The following HOOK3 variants were observed in gnomAD, a reference collection of about 807,000 sequenced individuals.
HOOK3 encodes hook microtubule tethering protein 3.
HOOK3 carries 24 observed loss-of-function variants against 116.3 expected under a neutral mutation model. The observed-to-expected ratio is 0.21, with a 90% CI of 0.15 to 0.29. The LOEUF (loss-of-function observed/expected upper bound fraction) is 0.29, where lower values mean the gene tolerates loss of function less well. HOOK3 is among the 10% of genes least tolerant of loss of function. HOOK3 has a pLI of 1.00. For missense variants in HOOK3, 632 were observed against 830.2 expected (o/e 0.76, Z 2.93); for synonymous variants, 275 against 283.0 (o/e 0.97, Z 0.28).
At chr8:42,945,044 A>C (rs1563297965) in intron 5 of HOOK3, among the ~76,000 whole-genome samples, 2 of 152,242 alleles carry the variant, frequency 1.3e-5, no homozygotes, top group South Asian at 4.1e-4. Flanking sequence ...GTGTGCATCA[A>C]CCCATGAATT....
chr8:42,955,817 A>C (rs931891867), intron 6 of HOOK3, among the ~76,000 whole-genome samples: 1 of 152,202 alleles, frequency 6.6e-6, no homozygotes, highest in African/African-American at 2.4e-5. Context: ...CTAGATTTTT[A>C]TTGAGAGCTG....
At chr8:42,980,929 C>T (rs1482910315) in intron 13 of HOOK3, among the ~76,000 whole-genome samples, 1 of 152,068 alleles carries the variant, frequency 6.6e-6, no homozygotes, top group Non-Finnish European at 1.5e-5. Flanking sequence ...ATGCTCAACC[C>T]CTTCATCATG....
chr8:42,911,623 A>C (rs1807430747), intron 2 of HOOK3, among the ~76,000 whole-genome samples: 1 of 152,208 alleles, frequency 6.6e-6, no homozygotes, highest in South Asian at 2.1e-4. Flanking sequence ...GTAATTCAGA[A>C]GGAAGATAAT....
chr8:42,966,386 C>T, intron 9 of HOOK3, 87 bp from the exon 10 acceptor site: 1 of 1,390,268 alleles, frequency 7.2e-7, no homozygotes, highest in Non-Finnish European at 9.8e-7. Context: ...GCTTTATTCT[C>T]ATGCTTTATA....
chr8:42,986,138 T>G (rs1199082351), intron 14 of HOOK3, among the ~76,000 whole-genome samples: 1 of 152,254 alleles, frequency 6.6e-6, no homozygotes, highest in African/African-American at 2.4e-5. Flanking sequence ...TTAATGTAAG[T>G]TTTTGGCTTA....
At chr8:42,944,359 T>C (rs1808184527) in intron 5 of HOOK3, among the ~76,000 whole-genome samples, 1 of 152,018 alleles carries the variant, frequency 6.6e-6, no homozygotes, top group Non-Finnish European at 1.5e-5. Flanking sequence ...GAGGTTGCAA[T>C]GAGCCAAGAT....
chr8:42,921,167 T>G (rs1207434787), intron 2 of HOOK3, among the ~76,000 whole-genome samples: 1 of 152,124 alleles, frequency 6.6e-6, no homozygotes, highest in African/African-American at 2.4e-5. Flanking sequence ...TAAAGTTTTT[T>G]TTTTTTTTAA....
At chr8:42,961,286 A>G (rs147237652) in intron 8 of HOOK3, among the ~76,000 whole-genome samples, 254 of 152,342 alleles carry the variant, frequency 1.7e-3, no homozygotes, top group African/African-American at 5.9e-3. Context: ...TTTTACATGT[A>G]TTTATTAATT....
rs575427023 is a variant in HOOK3, at chr8:43,020,692, C to T, written c.*2194C>T. ...TCGCACCACTGCATTCCAGCCTGGG[C>T]GACAGAGTGAGACTCTGTCTCAATC... On this transcript the variant is annotated 3_prime_UTR_variant, in exon 22 of 22. Coordinates refer to ENST00000307602, the MANE Select transcript of HOOK3 (RefSeq NM_032410.4). 4.6e-4 allele frequency: 80 copies of T among 175,418 alleles called. No homozygotes were observed. Among genetic ancestry groups the T allele is most frequent in the African/African-American group, 1.8e-3 (77 of 42,062 alleles). The allele number at this position is 175,418 out of a possible 1,614,324, so 10.9% of individuals were successfully genotyped here. A position where few individuals can be genotyped will look rare whatever the true frequency, so the allele number is the denominator to read the frequency against.
chr8:43,023,433 TTTTTCTTTTC>T lies in HOOK3; in HGVS notation c.*4947_*4956del, dbSNP rs534947190. ...TCCTTCCTTCCTTCCCTTCTTTTCT[TTTTTCTTTTC>T]TTTTCTTTTCTCCCTCCTTTCTTCC... On this transcript the variant is annotated 3_prime_UTR_variant, in exon 22 of 22. Transcript: ENST00000307602. 4 of 165,784 alleles carry T rather than the reference TTTTTCTTTTC, an allele frequency of 2.4e-5. No individual in the cohort carries two copies. The highest frequency in any genetic ancestry group is 4.8e-5 in the African/African-American group (2 of 41,394). The allele number at this position is 165,784 out of a possible 1,614,324, so 10.3% of individuals were successfully genotyped here.
At chr8:42,966,948 G>T (rs1360208345) in intron 10 of HOOK3, among the ~76,000 whole-genome samples, 1 of 152,034 alleles carries the variant, frequency 6.6e-6, no homozygotes, top group African/African-American at 2.4e-5. Flanking sequence ...CGCCACGCCC[G>T]CAAGGCCTCA....
intron 4 of HOOK3, among the ~76,000 whole-genome samples, chr8:42,936,618 G>A (rs932179990): frequency 2.6e-5 from 4 of 152,030 alleles, no homozygotes; most frequent in Non-Finnish European, 5.9e-5. Context: ...GAATTTTATC[G>A]AAGGCCTTTT....
intron 13 of HOOK3, among the ~76,000 whole-genome samples, chr8:42,978,497 G>A (rs1380715499): frequency 6.6e-6 from 1 of 150,684 alleles, no homozygotes; most frequent in Non-Finnish European, 1.5e-5. Flanking sequence ...TGTAACCTCC[G>A]CCTCTCGGTT....
chr8:42,966,278 C>T (rs967149429), intron 9 of HOOK3, among the ~76,000 whole-genome samples, 195 bp from the exon 10 acceptor site: 1 of 152,100 alleles, frequency 6.6e-6, no homozygotes, highest in African/African-American at 2.4e-5. Flanking sequence ...CCAGTTGTCA[C>T]CGTTCCCAAG....
At chr8:43,000,671 G>C (rs1199921504) in intron 16 of HOOK3, 1 of 155,556 alleles carries the variant, frequency 6.4e-6, no homozygotes, top group Non-Finnish European at 1.4e-5. Flanking sequence ...CTGGGGTCTG[G>C]CAGACCTGGG....
rs565000711 is a variant in HOOK3, at chr8:43,022,028, T to C, written c.*3530T>C. On this transcript the variant is annotated 3_prime_UTR_variant, in exon 22 of 22. Transcript: ENST00000307602. ...AATTCAGTGTATTAGTTTCATTACA[T>C]AGGAGAAATTATATTTCTAAACATT... 2.1e-3 allele frequency: 380 copies of C among 179,742 alleles called. No individual in the cohort carries two copies. Among genetic ancestry groups the C allele is most frequent in the Non-Finnish European group, 3.6e-3 (309 of 86,916 alleles). The allele number at this position is 179,742 out of a possible 1,614,324, so 11.1% of individuals were successfully genotyped here. A position where few individuals can be genotyped will look rare whatever the true frequency, so the allele number is the denominator to read the frequency against.
chr8:42,914,570 T>G (rs1337001611), intron 2 of HOOK3, among the ~76,000 whole-genome samples: 1 of 152,224 alleles, frequency 6.6e-6, no homozygotes, highest in African/African-American at 2.4e-5. Context: ...TTCACCTGCA[T>G]GCTGTTGTGT....
intron 1 of HOOK3, among the ~76,000 whole-genome samples, chr8:42,900,349 G>C (rs1355945209): frequency 6.6e-6 from 1 of 152,126 alleles, no homozygotes; most frequent in Non-Finnish European, 1.5e-5. Context: ...TGAAAAGATA[G>C]CACTTTTCCA....
intron 1 of HOOK3, 69 bp from the exon 2 acceptor site, chr8:42,906,104 A>ACCCC: frequency 1.2e-6 from 1 of 807,758 alleles, no homozygotes. Flanking sequence ...AAAAAAAAAA[A>ACCCC]AGGCCTAAGA....
Sources: allele counts gnomAD v4.1 joint callset (sites outside exome capture counted in the v4.1 genomes callset), GRCh38; gene constraint gnomAD v4.1.1; transcripts MANE v1.5; gene names NCBI Gene and HGNC (gene_info 2026-07-23, HGNC 2026-07-21).